The following ADAMTSL1 variants were observed in gnomAD, a reference collection of about 807,000 sequenced individuals.
The protein encoded by ADAMTSL1 is ADAMTS like 1.
ADAMTSL1 carries 126 observed loss-of-function variants against 201.8 expected under a neutral mutation model. The observed-to-expected ratio is 0.62, with a 90% CI of 0.54 to 0.72. ADAMTSL1 has a LOEUF of 0.72. Ranked by LOEUF, ADAMTSL1 falls within the 30% of genes least tolerant of loss-of-function variation. ADAMTSL1 has a pLI of 0.00. For synonymous variants in ADAMTSL1, 1,121 were observed against 903.4 expected, an observed-to-expected ratio of 1.24 and a Z score of -4.32; for missense variants, 2,679 against 2,277.8, an observed-to-expected ratio of 1.18 and a Z score of -3.59.
intron 2 of ADAMTSL1, among the ~76,000 whole-genome samples, chr9:18,391,472 G>T (rs1838041608): frequency 1.3e-5 from 2 of 152,044 alleles, no homozygotes; most frequent in Non-Finnish European, 2.9e-5. Flanking sequence ...TAGAGACAAG[G>T]TCTTGCTCTG....
In ADAMTSL1 at chr9:18,636,139, A is replaced by G. The variant is rs556153032; in HGVS notation, c.676+122A>G. The G allele has an allele frequency of 1.6e-5, 13 of 810,252 alleles. No individual in the cohort carries two copies. The South Asian group carries it at 2.2e-4, about 13-fold the overall frequency. 50.2% of individuals were successfully genotyped at this position (810,252 alleles called of 1,614,324 possible). A position where few individuals can be genotyped will look rare whatever the true frequency, so the allele number is the denominator to read the frequency against. ...TCTTTCTACTCTATCATAATATGATATTTTGAGTACCTCTGTTTATCTTTT... is the reference window on the plus strand; with the variant it reads ...TCTTTCTACTCTATCATAATATGATGTTTTGAGTACCTCTGTTTATCTTTT... On this transcript the variant is annotated intron_variant, in intron 6 of 28. Coordinates refer to ENST00000380548, the MANE Select transcript of ADAMTSL1 (RefSeq NM_001040272.6).
At chr9:18,615,841 T>G (rs1825670195) in intron 4 of ADAMTSL1, among the ~76,000 whole-genome samples, 1 of 152,162 alleles carries the variant, frequency 6.6e-6, no homozygotes, top group South Asian at 2.1e-4. Flanking sequence ...TGGAGCCACA[T>G]AAAACCTCAG....
chr9:18,241,078 G>A (rs1831044195), intron 2 of ADAMTSL1, among the ~76,000 whole-genome samples: 1 of 152,084 alleles, frequency 6.6e-6, no homozygotes, highest in African/African-American at 2.4e-5. Flanking sequence ...TTATTCCTGT[G>A]TTCACTGGAG....
At chr9:18,403,156 C>A (rs12353361) in intron 2 of ADAMTSL1, among the ~76,000 whole-genome samples, 1 of 148,512 alleles carries the variant, frequency 6.7e-6, no homozygotes, top group African/African-American at 2.5e-5. Context: ...TTCTTGTAAT[C>A]TTTTTTTTTT....
At chr9:18,256,327 G>A (rs556577523) in intron 2 of ADAMTSL1, among the ~76,000 whole-genome samples, 1 of 152,302 alleles carries the variant, frequency 6.6e-6, no homozygotes, top group East Asian at 1.9e-4. Flanking sequence ...GCAGGCAATA[G>A]GTTGGTTGCA....
intron 1 of ADAMTSL1, among the ~76,000 whole-genome samples, chr9:17,945,288 A>G (rs1588457201): frequency 7.9e-6 from 1 of 127,066 alleles, no homozygotes; most frequent in African/African-American, 3.0e-5. Flanking sequence ...ACCAGTTAGA[A>G]TGGCAATCAT....
At chr9:18,545,341 C>T (rs969816093) in intron 3 of ADAMTSL1, among the ~76,000 whole-genome samples, 1 of 152,140 alleles carries the variant, frequency 6.6e-6, no homozygotes, top group African/African-American at 2.4e-5. Context: ...TGCCGAAGCA[C>T]ATGCTCATTT....
intron 1 of ADAMTSL1, among the ~76,000 whole-genome samples, chr9:18,488,522 G>A (rs1215197624): frequency 1.3e-5 from 2 of 152,140 alleles, no homozygotes; most frequent in African/African-American, 4.8e-5. Context: ...TAGACTGCCT[G>A]GATTTCAACC....
chr9:18,590,974 A>C (rs1357264622), intron 4 of ADAMTSL1, among the ~76,000 whole-genome samples: 1 of 152,140 alleles, frequency 6.6e-6, no homozygotes, highest in Non-Finnish European at 1.5e-5. Flanking sequence ...AAAATGTTCC[A>C]TGTGTTGATA....
intron 5 of ADAMTSL1, among the ~76,000 whole-genome samples, chr9:18,625,541 C>T (rs983649196): frequency 6.6e-6 from 1 of 152,154 alleles, no homozygotes; most frequent in African/African-American, 2.4e-5. Flanking sequence ...CCACTGGTAG[C>T]ACTCAGCCTT....
intron 2 of ADAMTSL1, among the ~76,000 whole-genome samples, chr9:18,210,197 C>G (rs547488020): frequency 7.3e-4 from 111 of 151,492 alleles, no homozygotes; most frequent in African/African-American, 2.7e-3. Flanking sequence ...ACTCCATTTT[C>G]TTTCTTTCCT....
At chr9:18,660,354 A>C (rs1014900028) in intron 8 of ADAMTSL1, among the ~76,000 whole-genome samples, 1 of 152,210 alleles carries the variant, frequency 6.6e-6, no homozygotes, top group African/African-American at 2.4e-5. Flanking sequence ...CATTTTGCTT[A>C]GTGTAAAATT....
At chr9:18,273,808 T>C (rs1185324187) in intron 2 of ADAMTSL1, among the ~76,000 whole-genome samples, 1 of 152,246 alleles carries the variant, frequency 6.6e-6, no homozygotes, top group Non-Finnish European at 1.5e-5. Context: ...GCTCCATATC[T>C]TATTACCTAA....
At chr9:18,174,001 A>G (rs150199438) in intron 2 of ADAMTSL1, among the ~76,000 whole-genome samples, 106 of 152,302 alleles carry the variant, frequency 7.0e-4, no homozygotes, top group African/African-American at 2.5e-3. Context: ...TCTGAAACGA[A>G]TGATGAATAT....
intron 9 of ADAMTSL1, 109 bp downstream of exon 9, chr9:18,662,182 C>A: frequency 7.3e-7 from 1 of 1,378,448 alleles, no homozygotes; most frequent in Non-Finnish European, 9.9e-7. Context: ...AATTAAACAT[C>A]AATAGTGTTG....
intron 2 of ADAMTSL1, among the ~76,000 whole-genome samples, chr9:18,175,385 A>G (rs919684878): frequency 2.6e-5 from 4 of 152,188 alleles, no homozygotes; most frequent in South Asian, 2.1e-4. Context: ...ATTTATCAAT[A>G]TAATATTGGT....
chr9:18,193,006 C>CA (rs371927668), intron 2 of ADAMTSL1, among the ~76,000 whole-genome samples: 7 of 151,700 alleles, frequency 4.6e-5, no homozygotes, highest in South Asian at 4.2e-4. Flanking sequence ...AGGAATACTT[C>CA]AAAAAAAATG....
At chr9:18,417,436 G>GA (rs139701029) in intron 2 of ADAMTSL1, among the ~76,000 whole-genome samples, 12,158 of 143,762 alleles carry the variant, frequency 0.085, 672 homozygotes, top group Non-Finnish European at 0.13. Context: ...AAACAATAGA[G>GA]AAAAAATCAA....
At chr9:18,020,646 G>A (rs1820442046) in intron 1 of ADAMTSL1, among the ~76,000 whole-genome samples, 1 of 151,974 alleles carries the variant, frequency 6.6e-6, no homozygotes, top group Non-Finnish European at 1.5e-5. Flanking sequence ...CTCCCACCAG[G>A]TCTCTCCCTA....
Sources: allele counts gnomAD v4.1 joint callset (sites outside exome capture counted in the v4.1 genomes callset), GRCh38; gene constraint gnomAD v4.1.1; transcripts MANE v1.5; gene names NCBI Gene and HGNC (gene_info 2026-07-23, HGNC 2026-07-21).